IRAG2: variants seen among roughly 807,000 people sequenced by gnomAD.
The protein encoded by IRAG2 is lymphoid restricted membrane protein.
IRAG2 carries 45 observed loss-of-function variants against 69.9 expected under a neutral mutation model. The observed-to-expected ratio is 0.64, with a 90% CI of 0.51 to 0.83. IRAG2 has a LOEUF of 0.83. Among genes scored for constraint, IRAG2 ranks in the 40% least tolerant of loss-of-function variants. IRAG2 has a pLI of 0.00. For synonymous variants in IRAG2, 193 were observed against 202.4 expected (o/e 0.95, Z 0.40); for missense variants, 520 against 587.0 (o/e 0.89, Z 1.18).
chr12:25,033,279 A>C (rs1483845404), intron 12 of IRAG2, among the ~76,000 whole-genome samples: 1 of 152,112 alleles, frequency 6.6e-6, no homozygotes, highest in Non-Finnish European at 1.5e-5. Context: ...GAATGTAAGC[A>C]TGGCACCTTG....
chr12:25,048,840 G>T (rs1944818470), upstream of IRAG2, among the ~76,000 whole-genome samples: 1 of 152,132 alleles, frequency 6.6e-6, no homozygotes, highest in African/African-American at 2.4e-5. Context: ...CTTTGCCTGT[G>T]CCTATGTCCT....
chr12:25,084,671 A>T (rs1253895081), intron 10 of IRAG2, among the ~76,000 whole-genome samples: 1 of 152,156 alleles, frequency 6.6e-6, no homozygotes, highest in Non-Finnish European at 1.5e-5. Flanking sequence ...AGAGGAGGCC[A>T]TGGCACAGAC....
intron 6 of IRAG2, among the ~76,000 whole-genome samples, chr12:25,075,993 C>T (rs1465860302): frequency 1.3e-5 from 2 of 151,976 alleles, no homozygotes; most frequent in Non-Finnish European, 2.9e-5. Context: ...AGAAAAGAGC[C>T]CAAATGTGGA....
chr12:25,067,393 G>A (rs774866198), intron 5 of IRAG2, among the ~76,000 whole-genome samples: 5 of 152,116 alleles, frequency 3.3e-5, no homozygotes, highest in Admixed American at 1.3e-4. Context: ...TGGGCGTCCA[G>A]TAATTCAGTT....
Position 25,102,227 on chromosome 12 carries a change from T to A in IRAG2, c.919T>A (p.Ser307Thr). The change falls in exon 17 of 22, where the codon TCT (serine) becomes ACT (threonine). Residue 307 changes from serine to threonine, a missense_variant. Physicochemically the swap from Ser to Thr is moderately conservative, Grantham distance 58. Coordinates refer to ENST00000556887, the MANE Select transcript of IRAG2 (RefSeq NM_001366544.2). Reference protein sequence around the residue: ...DDCQIKKRSASLNSKPSSLRR... With the variant: ...DDCQIKKRSATLNSKPSSLRR... ...CTGCCAAATTAAAAAACGTTCAGCTTCTCTAAACTCCAAGGTAATTACTAA... is the reference window on the plus strand; with the variant it reads ...CTGCCAAATTAAAAAACGTTCAGCTACTCTAAACTCCAAGGTAATTACTAA... 1 of 1,613,164 alleles carries A rather than the reference T, an allele frequency of 6.2e-7. No individual in the cohort carries two copies. The highest frequency in any genetic ancestry group is 1.1e-5 in the South Asian group (1 of 90,954).
chr12:25,035,296 C>G (rs1006555151), intron 13 of IRAG2, among the ~76,000 whole-genome samples: 1 of 152,156 alleles, frequency 6.6e-6, no homozygotes, highest in African/African-American at 2.4e-5. Flanking sequence ...ACAAAAGAAG[C>G]CAACCTGTTT....
chr12:25,095,600 GT>G (rs545417629), intron 14 of IRAG2, among the ~76,000 whole-genome samples: 1 of 151,846 alleles, frequency 6.6e-6, no homozygotes, highest in Non-Finnish European at 1.5e-5. Context: ...TTGGTCTGTA[GT>G]TTTTTTTCTT....
At chr12:25,063,474 G>A (rs1212332246) in intron 3 of IRAG2, among the ~76,000 whole-genome samples, 1 of 152,186 alleles carries the variant, frequency 6.6e-6, no homozygotes, top group Non-Finnish European at 1.5e-5. Flanking sequence ...AGTTGATGAT[G>A]TTAGCATTCT....
chr12:25,054,357 C>T (rs754394562), intron 1 of IRAG2, among the ~76,000 whole-genome samples: 10 of 152,136 alleles, frequency 6.6e-5, no homozygotes, highest in Non-Finnish European at 1.3e-4. Flanking sequence ...ACACTGTGCC[C>T]AGGACTATTC....
At chr12:25,041,955 CTGTG>C (rs59225610) in intron 16 of IRAG2, among the ~76,000 whole-genome samples, 16,032 of 148,288 alleles carry the variant, frequency 0.11, 961 homozygotes, top group East Asian at 0.13. Context: ...TTTGTTTCAG[CTGTG>C]TGTGTGTGTG....
chr12:25,076,931 A>G (rs1027621700), intron 6 of IRAG2, among the ~76,000 whole-genome samples: 2 of 150,394 alleles, frequency 1.3e-5, no homozygotes, highest in African/African-American at 4.9e-5. Flanking sequence ...GCTGGGGTGC[A>G]GTGGTATGAT....
At chr12:25,086,301 C>T (rs1442578447) in intron 10 of IRAG2, among the ~76,000 whole-genome samples, 1 of 151,998 alleles carries the variant, frequency 6.6e-6, no homozygotes, top group African/African-American at 2.4e-5. Context: ...ACGGTAGATA[C>T]CCAGGCTTAT....
chr12:25,043,431 C>T (rs937533768), intron 16 of IRAG2, among the ~76,000 whole-genome samples: 1 of 152,058 alleles, frequency 6.6e-6, no homozygotes, highest in Non-Finnish European at 1.5e-5. Context: ...CCACTGAAAA[C>T]GAAGAAGGTA....
chr12:25,082,444 AC>A (rs1947282005), intron 9 of IRAG2, among the ~76,000 whole-genome samples: 1 of 151,932 alleles, frequency 6.6e-6, no homozygotes, highest in African/African-American at 2.4e-5. Context: ...GCAAAAAAAT[AC>A]AAAAATTAGC....
intron 10 of IRAG2, chr12:25,030,916 C>G: frequency 1.7e-6 from 1 of 584,334 alleles, no homozygotes; most frequent in South Asian, 7.5e-5. Context: ...AATATATACC[C>G]AAATTATTTG....
intron 9 of IRAG2, among the ~76,000 whole-genome samples, chr12:25,080,518 AT>A (rs1449122518): frequency 1.6e-4 from 25 of 151,712 alleles, no homozygotes; most frequent in African/African-American, 5.1e-4. Context: ...CGCCCATCTA[AT>A]TTTTTTGTAT....
exon 5 of IRAG2, chr12:25,015,381 A>G: frequency 8.1e-7 from 1 of 1,232,030 alleles, no homozygotes; most frequent in Non-Finnish European, 1.0e-6. Flanking sequence ...CAGATTCTAC[A>G]TTGGGGAGCT....
chr12:25,019,083 G>C (rs920818009), intron 6 of IRAG2, among the ~76,000 whole-genome samples: 1 of 152,186 alleles, frequency 6.6e-6, no homozygotes, highest in Non-Finnish European at 1.5e-5. Flanking sequence ...GGAGCATGCA[G>C]GTGAGCAGGT....
chr12:25,015,366 TATAAC>T lies in IRAG2; in HGVS notation c.995_999del (p.Ile332ArgfsTer16). ...GTGTTTCAGTGAAGATGAGCACAGA[TATAAC>T]AGATTCTACATTGGGGAGCTTCGAG... On this transcript the variant is annotated frameshift_variant, in exon 5 of 39. Transcript: ENST00000636465. LOFTEE classifies it high-confidence loss of function. 2 of 1,232,014 alleles carry T rather than the reference TATAAC, an allele frequency of 1.6e-6. No individual in the cohort carries two copies. Among genetic ancestry groups the T allele is most frequent in the Non-Finnish European group, 2.0e-6 (2 of 987,890 alleles). The allele number at this position is 1,232,014 out of a possible 1,614,324, so 76.3% of individuals were successfully genotyped here. A position where few individuals can be genotyped will look rare whatever the true frequency, so the allele number is the denominator to read the frequency against.
Sources: allele counts gnomAD v4.1 joint callset (sites outside exome capture counted in the v4.1 genomes callset), GRCh38; gene constraint gnomAD v4.1.1; transcripts MANE v1.5; gene names NCBI Gene and HGNC (gene_info 2026-07-23, HGNC 2026-07-21).